PCDHGA3: variants seen among roughly 807,000 people sequenced by gnomAD.
PCDHGA3 encodes the protein protocadherin gamma-A3.
In PCDHGA3, 40 loss-of-function variants were observed where a neutral mutation model predicts 58.5. The ratio of observed to expected loss-of-function variants is 0.68; its 90% CI spans 0.53 to 0.89. The LOEUF is 0.89. Ranked by LOEUF, PCDHGA3 falls within the 40% of genes least tolerant of loss-of-function variation. The pLI, the probability that PCDHGA3 is intolerant of heterozygous loss-of-function variation, is 0.00. For missense variants in PCDHGA3, 1,223 were observed against 1,195.9 expected (o/e 1.02, Z -0.33); for synonymous variants, 530 against 525.7 (o/e 1.01, Z -0.11).
intron 1 of PCDHGA3, chr5:141,385,433 G>A (rs2024141): frequency 0.085 from 123,181 of 1,452,862 alleles, 5,787 homozygotes; most frequent in East Asian, 0.14. Context: ...ACTTTATAGA[G>A]GTAAAAATGA....
At chr5:141,400,332 T>TC (rs772688780) in intron 1 of PCDHGA3, 6 of 1,613,994 alleles carry the variant, frequency 3.7e-6, no homozygotes, top group South Asian at 3.3e-5. Flanking sequence ...GACCTGTGGT[T>TC]CCCCCCAACT....
At chr5:141,478,936 G>A in intron 1 of PCDHGA3, 1 of 633,220 alleles carries the variant, frequency 1.6e-6, no homozygotes, top group African/African-American at 1.9e-5. Context: ...GCAGCTTCTA[G>A]GAATACAAAA....
At chr5:141,389,811 G>A in intron 1 of PCDHGA3, 1 of 1,613,822 alleles carries the variant, frequency 6.2e-7, no homozygotes, top group Non-Finnish European at 8.5e-7. Flanking sequence ...CCTTCTGGTC[G>A]CCGTGCGTGA....
intron 1 of PCDHGA3, chr5:141,382,846 G>T: frequency 1.4e-6 from 2 of 1,475,644 alleles, no homozygotes; most frequent in Non-Finnish European, 9.1e-7. Context: ...GGATACACCC[G>T]CATTCTGAAG....
chr5:141,484,805 A>G (rs1594417928), intron 1 of PCDHGA3, among the ~76,000 whole-genome samples: 1 of 151,896 alleles, frequency 6.6e-6, no homozygotes, highest in East Asian at 1.9e-4. Context: ...CCGTGGAAAA[A>G]CATGCCGTTG....
intron 1 of PCDHGA3, among the ~76,000 whole-genome samples, chr5:141,379,889 CTTTTTTTTTTTTTTTTTT>C (rs70988800): frequency 3.9e-5 from 2 of 50,830 alleles, no homozygotes; most frequent in African/African-American, 6.6e-5. Context: ...GTGAAAGCCT[CTTTTTTTTTTTTTTTTTT>C]TTTTTTTTTT....
intron 1 of PCDHGA3, among the ~76,000 whole-genome samples, chr5:141,470,842 C>A (rs2099241464): frequency 6.6e-6 from 1 of 152,044 alleles, no homozygotes; most frequent in Non-Finnish European, 1.5e-5. Context: ...CACACGCCAC[C>A]ATGCTCAGAT....
At chr5:141,389,832 C>A in intron 1 of PCDHGA3, 3 of 1,613,966 alleles carry the variant, frequency 1.9e-6, no homozygotes, top group Non-Finnish European at 2.5e-6. Flanking sequence ...CGGTGGACAG[C>A]CACCACTCTC....
At chr5:141,356,046 G>A (rs1760087771) in intron 1 of PCDHGA3, 2 of 1,613,820 alleles carry the variant, frequency 1.2e-6, no homozygotes, top group Admixed American at 1.7e-5. Context: ...ATTCTTTCCG[G>A]AAAGTAAGAG....
Position 141,344,470 on chromosome 5 carries a change from C to T in PCDHGA3, c.437C>T (p.Thr146Met). 1.2e-6 allele frequency: 2 copies of T among 1,613,888 alleles called. No homozygotes were observed. The highest frequency in any genetic ancestry group is 1.7e-6 in the Non-Finnish European group (2 of 1,179,818). Residue 146 changes from threonine (T) to methionine (M), a missense_variant, in exon 1 of 4, where the codon ACG becomes ATG. This residue lies in a region of PCDHGA3 where 791 missense variants were observed against 708.5 expected (regional missense o/e 1.12). Coordinates refer to ENST00000253812, the MANE Select transcript of PCDHGA3 (RefSeq NM_018916.4). Reference sequence around the variant, plus strand: ...TTGGAAATAAAAATTGGTGAACTAACGGTTCCTGGAACCCGATTTCCAATT... The same window carrying T: ...TTGGAAATAAAAATTGGTGAACTAATGGTTCCTGGAACCCGATTTCCAATT... The part of the protein sequence containing the change: ...EELEIKIGEL[T>M]VPGTRFPIKT...
intron 1 of PCDHGA3, chr5:141,392,967 C>A (rs1442170331): frequency 1.2e-6 from 2 of 1,613,766 alleles, no homozygotes; most frequent in African/African-American, 2.7e-5. Context: ...CTCCAAGGAC[C>A]TGGGGCTGGA....
At chr5:141,419,125 C>T in intron 1 of PCDHGA3, 1 of 1,613,852 alleles carries the variant, frequency 6.2e-7, no homozygotes, top group South Asian at 1.1e-5. Flanking sequence ...ACGTCACCAT[C>T]GCAGCCACAG....
In PCDHGA3 at chr5:141,477,155, G is replaced by A. The variant is rs2099406190; in HGVS notation, c.2425-17652G>A. ...GTTGGTGGAGGTTGTGGATGTGAATGACAACGCCCCGGAGATCACAGTCAC... is the reference window on the plus strand; with the variant it reads ...GTTGGTGGAGGTTGTGGATGTGAATAACAACGCCCCGGAGATCACAGTCAC... On this transcript the variant is annotated intron_variant, in intron 1 of 3. Coordinates refer to ENST00000253812, the MANE Select transcript of PCDHGA3 (RefSeq NM_018916.4). The surrounding 1 kb of genome is among the most constrained non-coding windows in gnomAD (Gnocchi z 4.9). The A allele has an allele frequency of 6.2e-7, 1 of 1,614,190 alleles. No individual in the cohort carries two copies. The highest frequency in any genetic ancestry group is 8.5e-7 in the Non-Finnish European group (1 of 1,180,042).
intron 1 of PCDHGA3, chr5:141,399,725 A>G (rs2093873556): frequency 6.2e-7 from 1 of 1,613,192 alleles, no homozygotes; most frequent in Admixed American, 1.7e-5. Flanking sequence ...GCCCGCGACC[A>G]GGGCTCGCCT....
chr5:141,420,099 C>T (rs750814136), intron 1 of PCDHGA3: 4 of 1,613,996 alleles, frequency 2.5e-6, no homozygotes, highest in South Asian at 2.2e-5. Flanking sequence ...AGTGAGGGAA[C>T]GTTGCCCTAT....
chr5:141,400,121 A>C lies in PCDHGA3; in HGVS notation c.2424+53664A>C. On this transcript the variant is annotated intron_variant, in intron 1 of 3. Coordinates refer to ENST00000253812, the MANE Select transcript of PCDHGA3 (RefSeq NM_018916.4). Reference sequence around the variant, plus strand: ...CACTTGGTCTTTGCTGACAGCTTGCAGGAGGTGCTGCCGGATATCACTGAC... The same window carrying C: ...CACTTGGTCTTTGCTGACAGCTTGCCGGAGGTGCTGCCGGATATCACTGAC... 1.2e-6 allele frequency: 2 copies of C among 1,614,054 alleles called. No individual in the cohort carries two copies. The highest frequency in any genetic ancestry group is 1.7e-6 in the Non-Finnish European group (2 of 1,179,890).
intron 1 of PCDHGA3, chr5:141,361,265 G>C (rs1245331652): frequency 6.2e-7 from 1 of 1,613,872 alleles, no homozygotes; most frequent in Non-Finnish European, 8.5e-7. Flanking sequence ...AGAGACTCTG[G>C]AGAAAATGGA....
chr5:141,400,528 A>G, intron 1 of PCDHGA3: 2 of 1,613,868 alleles, frequency 1.2e-6, no homozygotes, highest in South Asian at 2.2e-5. Flanking sequence ...TGAGTTGGTG[A>G]GTTTCATTTA....
rs374049261 is a variant in PCDHGA3, at chr5:141,393,657, C to T, written c.2424+47200C>T. ...CAACGGAAAAGTGGCATACAAATTC[C>T]GGAAAATTAATGAAAAACAAACTCC... On this transcript the variant is annotated intron_variant, in intron 1 of 3. Coordinates refer to ENST00000253812, the MANE Select transcript of PCDHGA3 (RefSeq NM_018916.4). The T allele has an allele frequency of 3.5e-5, 57 of 1,613,744 alleles. No individual in the cohort carries two copies. In the African/African-American group the frequency reaches 6.5e-4, roughly 19 times the overall value.
Sources: allele counts gnomAD v4.1 joint callset (sites outside exome capture counted in the v4.1 genomes callset), GRCh38; gene constraint gnomAD v4.1.1; regional missense constraint gnomAD v4.1.1; non-coding constraint Gnocchi (gnomAD v3.1); transcripts MANE v1.5; gene names NCBI Gene and HGNC (gene_info 2026-07-23, HGNC 2026-07-21).